Variants in FMNL2 observed in about 807,000 individuals in gnomAD.
FMNL2 encodes the protein formin-like protein 2.
FMNL2 carries 51 observed loss-of-function variants against 130.2 expected under a neutral mutation model. The observed-to-expected ratio is 0.39, with a 90% CI of 0.31 to 0.49. FMNL2 has a LOEUF of 0.49. Among genes scored for constraint, FMNL2 ranks in the 20% least tolerant of loss-of-function variants. The pLI, the probability that FMNL2 is intolerant of heterozygous loss-of-function variation, is 0.85. For missense variants in FMNL2, 977 were observed against 1,316.2 expected (o/e 0.74, Z 3.99); for synonymous variants, 465 against 467.1 (o/e 1.00, Z 0.06).
chr2:152,612,372 T>G (rs571804757), intron 11 of FMNL2, among the ~76,000 whole-genome samples: 33 of 152,122 alleles, frequency 2.2e-4, no homozygotes, highest in African/African-American at 7.7e-4. Context: ...ACCAAAAAAT[T>G]AGCCAGGTGT....
At position 152,644,893 on chromosome 2, in the gene FMNL2, A is replaced by C. The variant is rs114145227; in HGVS notation, c.3170-2903A>C. Among the ~76,000 whole-genome samples the C allele has an allele frequency of 4.6e-3, 697 of 152,320 alleles. 5 individuals are homozygous for C. The highest frequency in any genetic ancestry group is 0.016 in the African/African-American group (658 of 41,568). ...CTGGGCACAGTTTTTGATGCCTAAT[A>C]AGAAACGAACTTCTCTCCAGTGTCT... On this transcript the variant is annotated intron_variant, in intron 25 of 25. Coordinates refer to ENST00000288670, the MANE Select transcript of FMNL2 (RefSeq NM_052905.4).
At chr2:152,537,883 C>T (rs1473569255) in intron 2 of FMNL2, among the ~76,000 whole-genome samples, 1 of 144,708 alleles carries the variant, frequency 6.9e-6, no homozygotes, top group East Asian at 1.9e-4. Context: ...CATCAGAGAC[C>T]TTACACATAC....
At chr2:152,480,632 C>CT (rs1440606704) in intron 1 of FMNL2, among the ~76,000 whole-genome samples, 3 of 36,920 alleles carry the variant, frequency 8.1e-5, no homozygotes, top group Non-Finnish European at 1.2e-4. Flanking sequence ...AAGACTCTGT[C>CT]TAAAAAAAAA....
chr2:152,529,768 G>A (rs1381663576), intron 2 of FMNL2, among the ~76,000 whole-genome samples: 2 of 152,048 alleles, frequency 1.3e-5, no homozygotes, highest in Non-Finnish European at 2.9e-5. Context: ...TGGAGTCAGG[G>A]GAGAGAAAAA....
intron 2 of FMNL2, among the ~76,000 whole-genome samples, chr2:152,534,669 T>A (rs1326321898): frequency 6.6e-6 from 1 of 151,742 alleles, no homozygotes; most frequent in East Asian, 1.9e-4. Flanking sequence ...CTCTGAAAGA[T>A]CATCTGTACT....
chr2:152,628,264 C>T, intron 17 of FMNL2, 35 bp from the exon 18 acceptor site: 4 of 1,585,394 alleles, frequency 2.5e-6, no homozygotes, highest in Non-Finnish European at 3.5e-6. Flanking sequence ...GGAGGTTTTT[C>T]TCTCTAATGC....
At chr2:152,647,152 G>A (rs1683659185) in intron 25 of FMNL2, among the ~76,000 whole-genome samples, 1 of 152,082 alleles carries the variant, frequency 6.6e-6, no homozygotes, top group South Asian at 2.1e-4. Context: ...GTTCAAGTCT[G>A]GCCTGGACAA....
At chr2:152,353,557 C>T (rs1682621969) in intron 1 of FMNL2, among the ~76,000 whole-genome samples, 2 of 152,174 alleles carry the variant, frequency 1.3e-5, no homozygotes, top group Admixed American at 1.3e-4. Flanking sequence ...TGTTTATGAT[C>T]TTGGACTTTG....
At chr2:152,382,533 A>G (rs1684531412) in intron 1 of FMNL2, among the ~76,000 whole-genome samples, 1 of 152,172 alleles carries the variant, frequency 6.6e-6, no homozygotes, top group South Asian at 2.1e-4. Flanking sequence ...CCTGATGCTA[A>G]TAGAGGCTAA....
At chr2:152,408,646 C>T (rs556763155) in intron 1 of FMNL2, among the ~76,000 whole-genome samples, 20 of 152,230 alleles carry the variant, frequency 1.3e-4, no homozygotes, top group Admixed American at 5.9e-4. Flanking sequence ...GTCAAAAATG[C>T]ATTTAATATA....
At chr2:152,564,568 A>C (rs958853517) in intron 6 of FMNL2, among the ~76,000 whole-genome samples, 2 of 152,076 alleles carry the variant, frequency 1.3e-5, no homozygotes, top group African/African-American at 4.8e-5. Context: ...CTAAAAAACA[A>C]CACCAACAAC....
At position 152,409,347 on chromosome 2, in the gene FMNL2, T is replaced by C. The variant is rs562482846; in HGVS notation, c.117+73627T>C. The stretch of plus-strand genomic sequence containing the variant: ...TATTAATTCTTTATATAAGCAATGG[T>C]TTTTTTTGGTGAGGATATGGAGAAA... On this transcript the variant is annotated intron_variant, in intron 1 of 25. Transcript: ENST00000288670. Among the ~76,000 whole-genome samples, 11 of 152,056 alleles carry C rather than the reference T, an allele frequency of 7.2e-5. No individual in the cohort carries two copies. In the South Asian group the frequency reaches 2.3e-3, roughly 32 times the overall value.
At chr2:152,481,468 C>T (rs751791077) in intron 1 of FMNL2, among the ~76,000 whole-genome samples, 5 of 152,214 alleles carry the variant, frequency 3.3e-5, no homozygotes, top group Non-Finnish European at 7.3e-5. Flanking sequence ...CCTGGTATTT[C>T]ACGTGAGACT....
At chr2:152,437,123 C>T (rs904737740) in intron 1 of FMNL2, among the ~76,000 whole-genome samples, 2 of 152,116 alleles carry the variant, frequency 1.3e-5, no homozygotes, top group African/African-American at 4.8e-5. Context: ...GCACTAATCC[C>T]ATTCATAAGG....
chr2:152,512,832 A>G (rs1692560106), intron 1 of FMNL2, among the ~76,000 whole-genome samples: 1 of 152,218 alleles, frequency 6.6e-6, no homozygotes, highest in East Asian at 1.9e-4. Context: ...AAGTGCTGGC[A>G]CTTCTGTTCT....
At chr2:152,370,365 T>G (rs1021496635) in intron 1 of FMNL2, among the ~76,000 whole-genome samples, 1 of 152,228 alleles carries the variant, frequency 6.6e-6, no homozygotes, top group African/African-American at 2.4e-5. Flanking sequence ...TCTGCTGTCA[T>G]GACCTGTTTC....
intron 8 of FMNL2, 57 bp downstream of exon 8, chr2:152,579,021 G>C: frequency 7.2e-7 from 1 of 1,397,736 alleles, no homozygotes; most frequent in Middle Eastern, 1.9e-4. Context: ...CAGAGGGCTA[G>C]TCAACACTTA....
intron 9 of FMNL2, among the ~76,000 whole-genome samples, chr2:152,582,976 T>C (rs1696876436): frequency 6.6e-6 from 1 of 152,180 alleles, no homozygotes; most frequent in Non-Finnish European, 1.5e-5. Flanking sequence ...ATGATAATAT[T>C]TTTTTCTCCT....
At position 152,368,955 on chromosome 2, in the gene FMNL2, G is replaced by A. The variant is rs118135804; in HGVS notation, c.117+33235G>A. Among the ~76,000 whole-genome samples the A allele has an allele frequency of 3.9e-5, 6 of 152,220 alleles. No homozygotes were observed. In the East Asian group the frequency reaches 1.2e-3, roughly 29 times the overall value. On this transcript the variant is annotated intron_variant, in intron 1 of 25. Coordinates refer to ENST00000288670, the MANE Select transcript of FMNL2 (RefSeq NM_052905.4). ...GTGTGTGTGTTTTTTAAGGCATCAG[G>A]GTTATATCTGAATCATCATCTTTTG...
Sources: gnomAD v4.1 joint callset for allele counts (sites outside exome capture counted in the v4.1 genomes callset) on GRCh38, gnomAD v4.1.1 for gene constraint, MANE v1.5 for transcripts, NCBI Gene and HGNC (gene_info 2026-07-23, HGNC 2026-07-21) for gene names.